Variants in UGT1A9 observed in about 807,000 individuals in gnomAD.
UGT1A9 encodes the protein UDP glucuronosyltransferase family 1 member A9.
A neutral mutation model predicts 45.0 loss-of-function variants in UGT1A9; 35 were observed. The observed-to-expected ratio is 0.78, with a 90% CI of 0.59 to 1.03. The LOEUF is 1.03. Ranked by LOEUF, UGT1A9 falls within the 50% of genes least tolerant of loss-of-function variation. The pLI is 0.00. For synonymous variants in UGT1A9, 278 were observed against 250.6 expected, an observed-to-expected ratio of 1.11 and a Z score of -1.03; for missense variants, 687 against 666.6, an observed-to-expected ratio of 1.03 and a Z score of -0.34.
chr2:233,743,642 C>T (rs756255073), intron 1 of UGT1A9: 3 of 1,367,306 alleles, frequency 2.2e-6, no homozygotes, highest in South Asian at 1.1e-5. Flanking sequence ...GTCGCGGAAG[C>T]TGAAGACGTA....
At chr2:233,709,315 A>AT (rs1229942290) in intron 1 of UGT1A9, among the ~76,000 whole-genome samples, 1 of 152,156 alleles carries the variant, frequency 6.6e-6, no homozygotes, top group Non-Finnish European at 1.5e-5. Context: ...TAGATGTCAG[A>AT]TTTTTTGTTA....
chr2:233,719,330 G>A, intron 1 of UGT1A9: 2 of 1,613,866 alleles, frequency 1.2e-6, no homozygotes, highest in Middle Eastern at 1.7e-4. Context: ...TTCCTGCTGT[G>A]TTTTTTTGGA....
chr2:233,691,973 A>G (rs940295780), intron 1 of UGT1A9: 1 of 152,272 alleles, frequency 6.6e-6, no homozygotes, highest in Admixed American at 6.5e-5. Flanking sequence ...ATCCCTTTCG[A>G]TCACACCTAA....
intron 1 of UGT1A9, chr2:233,743,825 T>G: frequency 7.3e-7 from 1 of 1,367,228 alleles, no homozygotes; most frequent in South Asian, 1.1e-5. Flanking sequence ...TTTGTCGGGG[T>G]GCCACTTGAG....
intron 1 of UGT1A9, chr2:233,729,751 C>G (rs1485305910): frequency 6.2e-7 from 1 of 1,614,002 alleles, no homozygotes; most frequent in Middle Eastern, 1.7e-4. Flanking sequence ...GACATTCATG[C>G]AAAGGGTCAA....
At chr2:233,690,802 A>T in intron 1 of UGT1A9, 1 of 1,100,996 alleles carries the variant, frequency 9.1e-7, no homozygotes, top group East Asian at 7.4e-5. Context: ...CACACACACC[A>T]TTCTTAGTAC....
In UGT1A9 at chr2:233,769,710, C is replaced by T. The variant is rs1472517831; in HGVS notation, c.1295+1271C>T. 9.9e-6 allele frequency: 15 copies of T among 1,507,706 alleles called. No homozygotes were observed. Among genetic ancestry groups the T allele is most frequent in the African/African-American group, 1.4e-5 (1 of 72,712 alleles). The allele number at this position is 1,507,706 out of a possible 1,614,324, so 93.4% of individuals were successfully genotyped here. A position where few individuals can be genotyped will look rare whatever the true frequency, so the allele number is the denominator to read the frequency against. On this transcript the variant is annotated intron_variant, in intron 4 of 4. Transcript: ENST00000354728. The surrounding 1 kb of genome is among the most constrained non-coding windows in gnomAD (Gnocchi z 4.4). ...GCACTGGATAAAAGATCAATGTTGG[C>T]TAGGCACCATGGCACACGCCTGTAG...
chr2:233,681,597 C>T (rs28946877), intron 1 of UGT1A9, among the ~76,000 whole-genome samples: 28,138 of 150,000 alleles, frequency 0.19, 2,810 homozygotes, highest in Non-Finnish European at 0.23. Flanking sequence ...TTATTAGCTT[C>T]GTTCAAATTT....
At chr2:233,767,811 GTTCT>G (rs753422454) in intron 2 of UGT1A9, 34 bp from the exon 3 acceptor site, 1 of 1,614,124 alleles carries the variant, frequency 6.2e-7, no homozygotes, top group South Asian at 1.1e-5. Flanking sequence ...ATCATATTAT[GTTCT>G]TTCTTTACGT....
At chr2:233,700,807 G>T (rs934184744) in intron 1 of UGT1A9, among the ~76,000 whole-genome samples, 3 of 151,808 alleles carry the variant, frequency 2.0e-5, no homozygotes, top group East Asian at 3.9e-4. Flanking sequence ...GTGCCATGTT[G>T]GTGTGCTGCA....
chr2:233,724,193 GC>G lies in UGT1A9; in HGVS notation c.856-42840del, dbSNP rs1291443847. Among the ~76,000 whole-genome samples, 375 of 129,962 alleles carry G rather than the reference GC, an allele frequency of 2.9e-3. 2 individuals are homozygous for G. Among genetic ancestry groups the G allele is most frequent in the African/African-American group, 0.011 (348 of 31,006 alleles). The allele number at this position is 129,962 out of a possible 152,430, so 85.3% of individuals were successfully genotyped here. ...CCCCATCTCCCTCCCGGACGGGGTG[GC>G]TGGCCGGGCTGAGGGGCTCCTCACT... On this transcript the variant is annotated intron_variant, in intron 1 of 4. Coordinates refer to ENST00000354728, the MANE Select transcript of UGT1A9 (RefSeq NM_021027.3).
chr2:233,724,897 A>G (rs1186168071), intron 1 of UGT1A9, among the ~76,000 whole-genome samples: 1 of 137,504 alleles, frequency 7.3e-6, no homozygotes, highest in Non-Finnish European at 1.5e-5. Flanking sequence ...ACTGCACTCC[A>G]GCCTGGGCAC....
At chr2:233,699,792 C>G (rs1356829058) in intron 1 of UGT1A9, among the ~76,000 whole-genome samples, 1 of 152,188 alleles carries the variant, frequency 6.6e-6, no homozygotes, top group Non-Finnish European at 1.5e-5. Flanking sequence ...TTCCTCCTCT[C>G]ATATTCTGGA....
At chr2:233,748,529 G>A (rs1353260497) in intron 1 of UGT1A9, among the ~76,000 whole-genome samples, 1 of 151,782 alleles carries the variant, frequency 6.6e-6, no homozygotes, top group Non-Finnish European at 1.5e-5. Context: ...ATGATAGAGA[G>A]GTGACCACAG....
At chr2:233,761,135 A>G (rs755308142) in intron 1 of UGT1A9, 1 of 1,614,240 alleles carries the variant, frequency 6.2e-7, no homozygotes. Context: ...TGCCTTCACC[A>G]AAATCCACTA....
In UGT1A9 at chr2:233,684,712, T is replaced by C. The variant is rs921329343; in HGVS notation, c.855+11923T>C. Reference sequence around the variant, plus strand: ...AGATGTGGAAGGTTATGTATTAATGTATATATTTATAAATAGAAAATAAAT... The same window carrying C: ...AGATGTGGAAGGTTATGTATTAATGCATATATTTATAAATAGAAAATAAAT... On this transcript the variant is annotated intron_variant, in intron 1 of 4. Transcript: ENST00000354728. 3.9e-5 allele frequency among the ~76,000 whole-genome samples: 6 copies of C among 152,014 alleles called. No homozygotes were observed. In the South Asian group the frequency reaches 1.2e-3, roughly 31 times the overall value.
Position 233,704,349 on chromosome 2 carries a change from C to A in UGT1A9, c.855+31560C>A, listed in dbSNP as rs185634729. Among the ~76,000 whole-genome samples, 184 of 135,628 alleles carry A rather than the reference C, an allele frequency of 1.4e-3. 1 individual carries two copies. The highest frequency in any genetic ancestry group is 4.9e-3 in the African/African-American group (171 of 34,948). The allele number at this position is 135,628 out of a possible 152,430, so 89.0% of individuals were successfully genotyped here. ...TTTCCACTATTTAAAAAGTTGTGTT[C>A]TGAGCGGTTGTTCTAGGGCTTAGCA... On this transcript the variant is annotated intron_variant, in intron 1 of 4. Coordinates refer to ENST00000354728, the MANE Select transcript of UGT1A9 (RefSeq NM_021027.3).
chr2:233,710,442 T>C (rs1002737247), intron 1 of UGT1A9, among the ~76,000 whole-genome samples: 4 of 152,256 alleles, frequency 2.6e-5, no homozygotes, highest in African/African-American at 7.2e-5. Flanking sequence ...TTTAGTCTTT[T>C]ACATTTTAGC....
intron 1 of UGT1A9, among the ~76,000 whole-genome samples, chr2:233,702,710 C>T (rs1001273566): frequency 2.0e-5 from 3 of 152,232 alleles, no homozygotes; most frequent in African/African-American, 7.2e-5. Flanking sequence ...TTTTCTGTGT[C>T]TATTGAAATG....
Sources: allele counts gnomAD v4.1 joint callset (sites outside exome capture counted in the v4.1 genomes callset), GRCh38; gene constraint gnomAD v4.1.1; non-coding constraint Gnocchi (gnomAD v3.1); transcripts MANE v1.5; gene names NCBI Gene and HGNC (gene_info 2026-07-23, HGNC 2026-07-21).